Variants in PKP4 observed in about 807,000 individuals in gnomAD.
PKP4 encodes the protein plakophilin 4.
In PKP4, 90 loss-of-function variants were observed where a neutral mutation model predicts 145.1. That is an observed-to-expected ratio of 0.62 (90% CI 0.52 to 0.74). The LOEUF is 0.74. PKP4 is among the 30% of genes least tolerant of loss of function. The pLI is 0.00. For missense variants in PKP4, 1,340 were observed against 1,482.7 expected (o/e 0.90, Z 1.58); for synonymous variants, 563 against 577.2 (o/e 0.98, Z 0.35).
chr2:158,603,691 A>G (rs1460478947), intron 4 of PKP4, among the ~76,000 whole-genome samples: 3 of 152,200 alleles, frequency 2.0e-5, no homozygotes, highest in Non-Finnish European at 1.5e-5. Context: ...TTTATTGAGT[A>G]TTCACATAAT....
rs2052171449 is a variant in PKP4, at chr2:158,620,988, A to G, written c.281-2A>G. 6.2e-7 allele frequency: 1 copy of G among 1,613,356 alleles called. No homozygotes were observed. The highest frequency in any genetic ancestry group is 1.7e-5 in the Admixed American group (1 of 59,954). On this transcript the variant is annotated splice_acceptor_variant, in intron 4 of 21. Coordinates refer to ENST00000389759, the MANE Select transcript of PKP4 (RefSeq NM_003628.6). LOFTEE classifies it high-confidence loss of function. ...TAGCTGATTAAACTTTTCTTGTTAC[A>G]GACGTGCCAAATACTGGTGTAAGCA...
chr2:158,587,875 A>G (rs922378144), intron 3 of PKP4, among the ~76,000 whole-genome samples: 1 of 151,410 alleles, frequency 6.6e-6, no homozygotes, highest in African/African-American at 2.4e-5. Context: ...CAGTACTTAT[A>G]TATTATATAC....
intron 1 of PKP4, among the ~76,000 whole-genome samples, chr2:158,517,389 T>G (rs1386779224): frequency 6.6e-6 from 1 of 152,216 alleles, no homozygotes; most frequent in Non-Finnish European, 1.5e-5. Flanking sequence ...TGCATTCCTG[T>G]TGAAACTCTT....
intron 2 of PKP4, among the ~76,000 whole-genome samples, chr2:158,538,009 C>G (rs113298061): frequency 4.6e-5 from 7 of 151,968 alleles, no homozygotes; most frequent in Non-Finnish European, 1.0e-4. Context: ...AGAGCAAGAA[C>G]CTGTCTCCAA....
intron 1 of PKP4, among the ~76,000 whole-genome samples, chr2:158,499,090 C>T (rs1432685872): frequency 6.6e-6 from 1 of 152,126 alleles, no homozygotes; most frequent in African/African-American, 2.4e-5. Context: ...GTAGGGGTGC[C>T]TTCAGTGGTC....
At chr2:158,480,047 A>T (rs1426320327) in intron 1 of PKP4, among the ~76,000 whole-genome samples, 1 of 152,202 alleles carries the variant, frequency 6.6e-6, no homozygotes. Context: ...CTACTGCTTT[A>T]CAAAGAGCAC....
At chr2:158,478,875 C>T (rs1692912568) in intron 1 of PKP4, among the ~76,000 whole-genome samples, 1 of 152,128 alleles carries the variant, frequency 6.6e-6, no homozygotes, top group Non-Finnish European at 1.5e-5. Flanking sequence ...TGTTTATCCT[C>T]TTCATTATGT....
intron 2 of PKP4, among the ~76,000 whole-genome samples, chr2:158,571,943 C>T (rs941256848): frequency 1.3e-5 from 2 of 152,100 alleles, no homozygotes; most frequent in African/African-American, 4.8e-5. Context: ...AAGATGGTAT[C>T]CTTGTGACTA....
chr2:158,545,502 A>G (rs2044938173), intron 2 of PKP4, among the ~76,000 whole-genome samples: 1 of 152,222 alleles, frequency 6.6e-6, no homozygotes, highest in South Asian at 2.1e-4. Flanking sequence ...GAGCATAGCT[A>G]TTAGGGAGTC....
chr2:158,481,023 C>T (rs1391086041), intron 1 of PKP4, among the ~76,000 whole-genome samples: 1 of 152,128 alleles, frequency 6.6e-6, no homozygotes, highest in Non-Finnish European at 1.5e-5. Context: ...TTTCAAGATT[C>T]ATCTATGTTG....
At chr2:158,664,671 G>A (rs1254769737) in intron 15 of PKP4, among the ~76,000 whole-genome samples, 1 of 152,234 alleles carries the variant, frequency 6.6e-6, no homozygotes, top group Non-Finnish European at 1.5e-5. Context: ...CTAAGCCGGT[G>A]TGGTTATTTT....
rs775883872 is a variant in PKP4 at position 158,625,254 on chromosome 2, C to T, written c.980C>T (p.Ser327Phe). The T allele has an allele frequency of 5.0e-6, 8 of 1,614,208 alleles. No individual in the cohort carries two copies. In the South Asian group the frequency reaches 7.7e-5, roughly 16 times the overall value. ...TLTDAQTRVA[S>F]PSQGQVGSSS... ...ACGGATGCACAGACTCGAGTAGCTT[C>T]CCCATCCCAAGGCCAGGTGGGGTCG... Residue 327 changes from serine (S) to phenylalanine (F), a missense_variant, in exon 7 of 22, where the codon TCC becomes TTC. By Grantham distance (155) the Ser-to-Phe change is radical. Transcript: ENST00000389759.
At chr2:158,595,574 TA>T (rs756064206) in intron 3 of PKP4, among the ~76,000 whole-genome samples, 4 of 152,076 alleles carry the variant, frequency 2.6e-5, no homozygotes, top group Non-Finnish European at 5.9e-5. Context: ...ATAGACGGAG[TA>T]AAGTTTTAAA....
chr2:158,596,277 A>G (rs1050877381), intron 3 of PKP4, among the ~76,000 whole-genome samples: 4 of 152,206 alleles, frequency 2.6e-5, no homozygotes, highest in Middle Eastern at 3.2e-3. Context: ...GCAGTTTGGA[A>G]CTTATGTCCT....
chr2:158,543,747 G>A (rs2044719067), intron 2 of PKP4, among the ~76,000 whole-genome samples: 2 of 152,178 alleles, frequency 1.3e-5, no homozygotes. Context: ...AAGGTAGCCA[G>A]TTTTCAAATG....
In PKP4 at chr2:158,678,648, G is replaced by A. The variant is rs764795522; in HGVS notation, c.3324G>A (p.Arg1108=). Residue 1108 remains arginine (R), a synonymous_variant, in exon 21 of 22, where the codon CGG becomes CGA. Coordinates refer to ENST00000389759, the MANE Select transcript of PKP4 (RefSeq NM_003628.6). ...CACCAGCAAGAGAACAAAATAGACG[G>A]CTACAGGTGAATTTGCAATATCATT... is the stretch of plus-strand genomic sequence containing the variant. The part of the protein sequence containing the change: ...YSSPAREQNR[R]LQHQQLYYSQ... 1.1e-5 allele frequency: 18 copies of A among 1,582,542 alleles called. 1 individual carries two copies. Among genetic ancestry groups the A allele is most frequent in the Non-Finnish European group, 1.6e-5 (18 of 1,151,588 alleles).
At chr2:158,672,284 T>C (rs991752848) in intron 17 of PKP4, among the ~76,000 whole-genome samples, 2 of 152,236 alleles carry the variant, frequency 1.3e-5, no homozygotes, top group Non-Finnish European at 2.9e-5. Flanking sequence ...CATAACTCTT[T>C]CAAGGAGTTT....
chr2:158,507,541 C>G (rs1018225668), intron 1 of PKP4, among the ~76,000 whole-genome samples: 2 of 152,122 alleles, frequency 1.3e-5, no homozygotes. Context: ...CTTACCTTTC[C>G]CCATTTGAAA....
chr2:158,667,761 C>G (rs2057232474), intron 16 of PKP4, among the ~76,000 whole-genome samples: 1 of 152,178 alleles, frequency 6.6e-6, no homozygotes, highest in South Asian at 2.1e-4. Flanking sequence ...GAAGTTCCTC[C>G]TCACCCTGTT....
Sources: allele counts gnomAD v4.1 joint callset (sites outside exome capture counted in the v4.1 genomes callset), GRCh38; gene constraint gnomAD v4.1.1; transcripts MANE v1.5; gene names NCBI Gene and HGNC (gene_info 2026-07-23, HGNC 2026-07-21).